Variants in NUP210 observed in about 807,000 individuals in gnomAD.
NUP210 encodes nuclear pore membrane glycoprotein 210.
NUP210 carries 151 observed loss-of-function variants against 196.0 expected under a neutral mutation model. The observed-to-expected ratio is 0.77, with a 90% CI of 0.67 to 0.88. NUP210 has a LOEUF of 0.88. Ranked by LOEUF, NUP210 falls within the 40% of genes least tolerant of loss-of-function variation. The pLI is 0.00. For synonymous variants in NUP210, 1,070 were observed against 1,052.7 expected (o/e 1.02, Z -0.32); for missense variants, 2,314 against 2,493.7 (o/e 0.93, Z 1.53).
At position 13,366,078 on chromosome 3, in the gene NUP210, T is replaced by C; in HGVS notation, c.1800A>G (p.Pro600=). The C allele has an allele frequency of 1.2e-6, 2 of 1,613,726 alleles. No homozygotes were observed. The highest frequency in any genetic ancestry group is 1.7e-6 in the Non-Finnish European group (2 of 1,179,786). Residue 600 remains proline (P), a synonymous_variant, in exon 14 of 40, where the codon CCA becomes CCG. Coordinates refer to ENST00000254508, the MANE Select transcript of NUP210 (RefSeq NM_024923.4). ...GGATGCCGCTGCAGTGCTCAGAGCC[T>C]GGCGGCAGCCTCCCTACAGAAAGGA... The part of the protein sequence containing the change: ...VFQPLPGRLP[P]GSEHCSGIRV...
intron 1 of NUP210, among the ~76,000 whole-genome samples, chr3:13,417,044 G>A (rs527812731): frequency 2.6e-5 from 4 of 152,304 alleles, no homozygotes; most frequent in African/African-American, 7.2e-5. Context: ...ATATCTAGAA[G>A]GAATCAGGAA....
intron 32 of NUP210, 107 bp from the exon 33 acceptor site, chr3:13,326,038 C>T: frequency 1.4e-6 from 2 of 1,414,366 alleles, no homozygotes; most frequent in Non-Finnish European, 1.9e-6. Context: ...TGCCGCTACC[C>T]CCATGGGGGC....
At chr3:13,397,683 C>T (rs1699709426) in intron 2 of NUP210, among the ~76,000 whole-genome samples, 195 bp from the exon 3 acceptor site, 1 of 152,192 alleles carries the variant, frequency 6.6e-6, no homozygotes, top group Non-Finnish European at 1.5e-5. Flanking sequence ...CTGTGGGGGC[C>T]TTGTCACCAC....
At position 13,347,267 on chromosome 3, in the gene NUP210, A is replaced by G; in HGVS notation, c.2836-3964T>C. The G allele has an allele frequency of 1.0e-6, 1 of 985,204 alleles. No homozygotes were observed. The highest frequency in any genetic ancestry group is 1.2e-6 in the Non-Finnish European group (1 of 829,756). 61.0% of individuals were successfully genotyped at this position (985,204 alleles called of 1,614,324 possible). ...CTTAACACAGCACCTGGCACACGAT[A>G]AGCACTCCAGCGTCTCTGAGTGCAC... On this transcript the variant is annotated intron_variant, in intron 20 of 39. Transcript: ENST00000254508. This position sits in a 1 kb window ranked among gnomAD's most constrained non-coding sequence, Gnocchi z 4.7.
chr3:13,396,129 C>A (rs1002931394), intron 3 of NUP210, among the ~76,000 whole-genome samples: 1 of 152,176 alleles, frequency 6.6e-6, no homozygotes, highest in African/African-American at 2.4e-5. Context: ...GGACATTTGG[C>A]CATGTCTGGG....
intron 5 of NUP210, among the ~76,000 whole-genome samples, chr3:13,387,889 C>T (rs181383550): frequency 5.1e-4 from 77 of 152,172 alleles, no homozygotes; most frequent in Admixed American, 1.5e-3. Context: ...AGTCTCAGGG[C>T]TCCAATGGGG....
chr3:13,346,762 C>T lies in NUP210; in HGVS notation c.2836-3459G>A, dbSNP rs200990028. On this transcript the variant is annotated intron_variant, in intron 20 of 39. Coordinates refer to ENST00000254508, the MANE Select transcript of NUP210 (RefSeq NM_024923.4). ...TATTTTTGAATGTCACTGGAGTCAT[C>T]GGCTTCCATTTCCTGCAGGCTGCTT... is the stretch of plus-strand genomic sequence containing the variant. Among the ~76,000 whole-genome samples the T allele has an allele frequency of 5.9e-5, 9 of 152,186 alleles. No individual in the cohort carries two copies. The East Asian group carries it at 1.3e-3, about 23-fold the overall frequency.
In NUP210 at chr3:13,360,390, G is replaced by C. The variant is rs1332840178; in HGVS notation, c.2034C>G (p.Phe678Leu). 3.7e-6 allele frequency: 6 copies of C among 1,614,192 alleles called. No individual in the cohort carries two copies. Among genetic ancestry groups the C allele is most frequent in the Non-Finnish European group, 5.1e-6 (6 of 1,180,024 alleles). Residue 678 changes from phenylalanine to leucine, a missense_variant, in exon 15 of 40, where the codon TTC becomes TTG. Transcript: ENST00000254508. ...PRPWILEPSK[F>L]FQNVTAEDTD... ...TGTCCTCAGCGGTGACGTTCTGGAAGAATTTGGACGGCTCGAGGATCCAAG... is the reference window on the plus strand; with the variant it reads ...TGTCCTCAGCGGTGACGTTCTGGAACAATTTGGACGGCTCGAGGATCCAAG...
chr3:13,318,644 G>A (rs1483848908), intron 39 of NUP210, among the ~76,000 whole-genome samples: 10 of 152,168 alleles, frequency 6.6e-5, no homozygotes, highest in Non-Finnish European at 1.5e-4. Flanking sequence ...GGGCTTCGGG[G>A]TCACCAGAGA....
chr3:13,343,032 G>T, intron 21 of NUP210, 143 bp downstream of exon 21: 1 of 965,036 alleles, frequency 1.0e-6, no homozygotes, highest in Non-Finnish European at 1.6e-6. Context: ...GGAGATGGGA[G>T]ACAGCTCCGC....
chr3:13,376,042 C>T (rs1698892474), intron 10 of NUP210, among the ~76,000 whole-genome samples: 1 of 152,198 alleles, frequency 6.6e-6, no homozygotes, highest in African/African-American at 2.4e-5. Context: ...GGCCAGGAGG[C>T]CTTCTGTGCG....
Position 13,340,345 on chromosome 3 carries a change from T to C in NUP210, c.3229-47A>G, listed in dbSNP as rs753349245. On this transcript the variant is annotated intron_variant, in intron 23 of 39. Coordinates refer to ENST00000254508, the MANE Select transcript of NUP210 (RefSeq NM_024923.4). This position sits in a 1 kb window ranked among gnomAD's most constrained non-coding sequence, Gnocchi z 4.0. ...AAAGGACTACTGTGCCCCAAGCCCA[T>C]GGCGCCAAGCATAACTCACACACTA... is the stretch of plus-strand genomic sequence containing the variant. The C allele has an allele frequency of 3.0e-5, 47 of 1,548,112 alleles. No homozygotes were observed. The Admixed American group carries it at 7.2e-4, about 24-fold the overall frequency.
intron 13 of NUP210, among the ~76,000 whole-genome samples, chr3:13,368,176 A>G (rs1160522834): frequency 1.3e-5 from 2 of 152,120 alleles, no homozygotes; most frequent in Non-Finnish European, 2.9e-5. Context: ...CCCAGGCTCA[A>G]GTGAGTCTCC....
chr3:13,406,912 C>T (rs1700023602), intron 1 of NUP210, among the ~76,000 whole-genome samples: 1 of 147,940 alleles, frequency 6.8e-6, no homozygotes, highest in Admixed American at 6.9e-5. Context: ...TTCCCAGGGA[C>T]CCCTCATGTA....
chr3:13,383,685 C>T (rs1230275985), intron 6 of NUP210, among the ~76,000 whole-genome samples: 2 of 151,704 alleles, frequency 1.3e-5, no homozygotes, highest in Non-Finnish European at 2.9e-5. Context: ...CCACCATGCC[C>T]AGCTAATTTT....
Position 13,353,536 on chromosome 3 carries a change from C to A in NUP210, c.2628+18G>T, listed in dbSNP as rs1698055239. The A allele has an allele frequency of 6.3e-7, 1 of 1,597,914 alleles. No individual in the cohort carries two copies. Among genetic ancestry groups the A allele is most frequent in the South Asian group, 1.1e-5 (1 of 90,774 alleles). On this transcript the variant is annotated intron_variant, in intron 18 of 39. Transcript: ENST00000254508. The stretch of plus-strand genomic sequence containing the variant: ...CCCGCTACCCATAGCCCACCCACCA[C>A]TGGGCCCTGGGAGATACCGGCTGCT...
intron 1 of NUP210, among the ~76,000 whole-genome samples, chr3:13,406,049 G>A (rs1443524963): frequency 6.6e-6 from 1 of 152,188 alleles, no homozygotes; most frequent in East Asian, 1.9e-4. Context: ...TTTAAAAAGT[G>A]AGTCATTTTG....
At chr3:13,355,454 G>C (rs778960184) in intron 16 of NUP210, among the ~76,000 whole-genome samples, 26 of 152,204 alleles carry the variant, frequency 1.7e-4, no homozygotes, top group Non-Finnish European at 2.9e-4. Context: ...ACACAAAGCA[G>C]GTCTCCCAGC....
chr3:13,417,118 A>C (rs909495472), intron 1 of NUP210, among the ~76,000 whole-genome samples: 2 of 152,220 alleles, frequency 1.3e-5, no homozygotes. Flanking sequence ...CAAATTAGCC[A>C]GAGGCTGCCA....
Sources: gnomAD v4.1 joint callset for allele counts (sites outside exome capture counted in the v4.1 genomes callset) on GRCh38, gnomAD v4.1.1 for gene constraint, Gnocchi (gnomAD v3.1) non-coding constraint, MANE v1.5 for transcripts, NCBI Gene and HGNC (gene_info 2026-07-23, HGNC 2026-07-21) for gene names.